Variants in SHISA9 observed in about 807,000 individuals in gnomAD.
SHISA9 encodes the protein protein shisa-9.
SHISA9 carries 13 observed loss-of-function variants against 38.0 expected under a neutral mutation model. The observed-to-expected ratio is 0.34, with a 90% confidence interval of 0.22 to 0.54. The LOEUF (loss-of-function observed/expected upper bound fraction) is 0.54, where lower values mean the gene tolerates loss of function less well. Among genes scored for constraint, SHISA9 ranks in the 20% least tolerant of loss-of-function variants. The pLI, the probability that SHISA9 is intolerant of heterozygous loss-of-function variation, is 0.91. For synonymous variants in SHISA9, 275 were observed against 242.0 expected, an observed-to-expected ratio of 1.14 and a Z score of -1.27; for missense variants, 538 against 575.8, an observed-to-expected ratio of 0.93 and a Z score of 0.67.
At chr16:13,044,788 T>C (rs1046093186) in intron 2 of SHISA9, among the ~76,000 whole-genome samples, 17 of 152,232 alleles carry the variant, frequency 1.1e-4, no homozygotes, top group Non-Finnish European at 1.5e-5. Context: ...GTTCTGAAGA[T>C]GAATCTTGGA....
At chr16:13,367,007 A>G in the SHISA9 span, among the ~76,000 whole-genome samples, 3 of 150,808 alleles carry the variant, frequency 2.0e-5, no homozygotes, top group Non-Finnish European at 4.4e-5. Context: ...AAAAAGAAGA[A>G]GAATCGAGGT....
chr16:13,075,548 G>A (rs2073571105), intron 2 of SHISA9, among the ~76,000 whole-genome samples: 1 of 152,192 alleles, frequency 6.6e-6, no homozygotes, highest in Non-Finnish European at 1.5e-5. Context: ...GGGCTCCCCA[G>A]GGGATCCTTC....
chr16:13,042,616 C>G (rs1208053897), intron 2 of SHISA9, among the ~76,000 whole-genome samples: 1 of 152,058 alleles, frequency 6.6e-6, no homozygotes, highest in African/African-American at 2.4e-5. Context: ...TTTTCTGGTC[C>G]TTTGGTGTCT....
the SHISA9 span, among the ~76,000 whole-genome samples, chr16:13,457,859 G>A: frequency 6.6e-6 from 1 of 151,918 alleles, no homozygotes; most frequent in Admixed American, 6.6e-5. Flanking sequence ...AGTAAATATG[G>A]CTAGGACCTC....
intron 2 of SHISA9, among the ~76,000 whole-genome samples, chr16:13,188,851 C>A (rs146071327): frequency 6.8e-6 from 1 of 146,648 alleles, no homozygotes; most frequent in Non-Finnish European, 1.5e-5. Context: ...CACCCAGTAC[C>A]CCCAGAATGT....
intron 1 of SHISA9, 47 bp from the exon 2 acceptor site, chr16:12,916,640 CA>C (rs1567338122): frequency 1.3e-6 from 2 of 1,533,708 alleles, no homozygotes; most frequent in South Asian, 2.5e-5. Context: ...TAGCAGCTGC[CA>C]GTCATTGTGT....
the SHISA9 span, among the ~76,000 whole-genome samples, chr16:13,436,590 C>T: frequency 6.6e-6 from 1 of 152,188 alleles, no homozygotes; most frequent in African/African-American, 2.4e-5. Flanking sequence ...TCTTTTATTC[C>T]TTTACTTTCT....
intron 2 of SHISA9, among the ~76,000 whole-genome samples, chr16:12,953,252 A>C (rs899656798): frequency 1.3e-5 from 2 of 152,040 alleles, no homozygotes; most frequent in South Asian, 4.2e-4. Flanking sequence ...AAAACAGCCA[A>C]AGCTTATAAA....
At chr16:13,371,569 C>G in the SHISA9 span, among the ~76,000 whole-genome samples, 7,164 of 152,196 alleles carry the variant, frequency 0.047, 357 homozygotes, top group African/African-American at 0.13. Flanking sequence ...TACCTTGATT[C>G]AATGGTAAGT....
At chr16:13,134,378 C>T (rs1456357491) in intron 2 of SHISA9, among the ~76,000 whole-genome samples, 1 of 152,170 alleles carries the variant, frequency 6.6e-6, no homozygotes, top group African/African-American at 2.4e-5. Context: ...TTGAGCCTCT[C>T]TTGAGTGCCT....
chr16:13,291,348 A>G, the SHISA9 span, among the ~76,000 whole-genome samples: 9 of 152,300 alleles, frequency 5.9e-5, 1 homozygote, highest in South Asian at 1.9e-3. Context: ...CTAGTGACAA[A>G]GTTACATTGC....
At chr16:13,402,492 C>T in the SHISA9 span, among the ~76,000 whole-genome samples, 2 of 151,686 alleles carry the variant, frequency 1.3e-5, no homozygotes, top group Non-Finnish European at 1.5e-5. Context: ...GATGATGTCA[C>T]CTACATTGGA....
At chr16:13,359,790 G>A in the SHISA9 span, among the ~76,000 whole-genome samples, 10 of 152,106 alleles carry the variant, frequency 6.6e-5, no homozygotes, top group East Asian at 3.9e-4. Flanking sequence ...CACTGTGCAC[G>A]GGTTACCAAC....
At chr16:13,293,536 C>T in the SHISA9 span, among the ~76,000 whole-genome samples, 3 of 152,142 alleles carry the variant, frequency 2.0e-5, no homozygotes, top group Admixed American at 1.3e-4. Context: ...AGTAGTAGAA[C>T]CTATTTCATA....
intron 2 of SHISA9, among the ~76,000 whole-genome samples, chr16:13,021,753 C>G (rs34905344): frequency 0.25 from 37,251 of 151,982 alleles, 4,967 homozygotes; most frequent in East Asian, 0.44. Flanking sequence ...CTAGAATACC[C>G]CCTGTGTCAT....
chr16:13,252,752 A>T, the SHISA9 span, among the ~76,000 whole-genome samples: 1 of 152,176 alleles, frequency 6.6e-6, no homozygotes, highest in Non-Finnish European at 1.5e-5. Flanking sequence ...TGGAAGCTCC[A>T]TGGGGGTAGA....
the SHISA9 span, among the ~76,000 whole-genome samples, chr16:13,286,649 GTGTT>G: frequency 6.6e-6 from 1 of 152,182 alleles, no homozygotes; most frequent in Non-Finnish European, 1.5e-5. Flanking sequence ...GCTTTGATGT[GTGTT>G]TGTTTATCAC....
At chr16:13,460,450 G>T in the SHISA9 span, among the ~76,000 whole-genome samples, 1 of 152,166 alleles carries the variant, frequency 6.6e-6, no homozygotes, top group Non-Finnish European at 1.5e-5. Flanking sequence ...GGAACCCCAA[G>T]ATCAGAAGTT....
At chr16:13,491,690 A>G in the SHISA9 span, among the ~76,000 whole-genome samples, 1 of 151,310 alleles carries the variant, frequency 6.6e-6, no homozygotes, top group African/African-American at 2.4e-5. Context: ...GGGTTTCATC[A>G]TATTGGCCAG....
Sources: gnomAD v4.1 joint callset for allele counts (sites outside exome capture counted in the v4.1 genomes callset) on GRCh38, gnomAD v4.1.1 for gene constraint, MANE v1.5 for transcripts, NCBI Gene and HGNC (gene_info 2026-07-23, HGNC 2026-07-21) for gene names.